The following KIF13A variants were observed in gnomAD, a reference collection of about 807,000 sequenced individuals.
KIF13A encodes the protein kinesin-like protein KIF13A.
A neutral mutation model predicts 212.2 loss-of-function variants in KIF13A; 79 were observed. The observed-to-expected ratio is 0.37, with a 90% CI of 0.31 to 0.45. KIF13A has a LOEUF of 0.45. Ranked by LOEUF, KIF13A falls within the 20% of genes least tolerant of loss-of-function variation. The probability of loss-of-function intolerance (pLI) is 1.00; values close to 1 mark genes in which losing one functional copy is unlikely to be tolerated. For missense variants in KIF13A, 1,901 were observed against 2,209.0 expected (o/e 0.86, Z 2.79); for synonymous variants, 789 against 808.6 (o/e 0.98, Z 0.41).
intron 2 of KIF13A, among the ~76,000 whole-genome samples, chr6:17,976,148 C>T (rs368385530): frequency 1.3e-5 from 2 of 152,250 alleles, no homozygotes; most frequent in Non-Finnish European, 2.9e-5. Context: ...GATCCCGCAC[C>T]GGGGCTGCAG....
rs541374422 is a variant in KIF13A at position 17,815,971 on chromosome 6, G to A, written c.2000+1049C>T. On this transcript the variant is annotated intron_variant, in intron 17 of 38. Transcript: ENST00000259711. ...CACCCAGGCTGGAGTGCAATGGCGC[G>A]ATCTTGGCTTACTGTAACCATTGCC... Among the ~76,000 whole-genome samples the A allele has an allele frequency of 4.8e-3, 718 of 150,164 alleles. 7 individuals are homozygous for A. Among genetic ancestry groups the A allele is most frequent in the African/African-American group, 0.017 (692 of 40,814 alleles).
At chr6:17,775,109 TA>T (rs775318520) in intron 34 of KIF13A, 47 bp from the exon 35 acceptor site, 100 of 1,468,688 alleles carry the variant, frequency 6.8e-5, no homozygotes, top group Non-Finnish European at 9.1e-5. Context: ...ATATTTAATA[TA>T]AGGGGTTTTT....
downstream of KIF13A, among the ~76,000 whole-genome samples, chr6:17,761,961 G>C (rs1349852098): frequency 6.6e-6 from 1 of 152,094 alleles, no homozygotes; most frequent in Non-Finnish European, 1.5e-5. Context: ...TGGGGAGGAA[G>C]GAAGGGTTTG....
rs1224731467 is a variant in KIF13A, at chr6:17,776,672, A to G, written c.4170+605T>C. The stretch of plus-strand genomic sequence containing the variant: ...CAAATAAGCCTGTGTTTTTCCTTGG[A>G]AAGACCTTACTTCTACTCAGCTGCT... On this transcript the variant is annotated intron_variant, in intron 34 of 38. Coordinates refer to ENST00000259711, the MANE Select transcript of KIF13A (RefSeq NM_022113.6). This position sits in a 1 kb window ranked among gnomAD's most constrained non-coding sequence, Gnocchi z 4.6. 6.6e-6 allele frequency among the ~76,000 whole-genome samples: 1 copy of G among 152,208 alleles called. No homozygotes were observed. Among genetic ancestry groups the G allele is most frequent in the East Asian group, 1.9e-4 (1 of 5,198 alleles).
At position 17,899,554 on chromosome 6, in the gene KIF13A, C is replaced by T. The variant is rs183017546; in HGVS notation, c.147-1374G>A. On this transcript the variant is annotated intron_variant, in intron 2 of 38. Transcript: ENST00000259711. This position sits in a 1 kb window ranked among gnomAD's most constrained non-coding sequence, Gnocchi z 5.2. ...ATGTCCAATCACATGCATAATTCTA[C>T]GCTTTCGAGTGCAGGGAAGAAAAAT... 1.1e-3 allele frequency among the ~76,000 whole-genome samples: 165 copies of T among 152,274 alleles called. 2 individuals carry two copies. Among genetic ancestry groups the T allele is most frequent in the African/African-American group, 3.5e-3 (146 of 41,558 alleles).
Position 17,826,036 on chromosome 6 carries a change from A to G in KIF13A, c.1619+2T>C. On this transcript the variant is annotated splice_donor_variant, in intron 15 of 38. Transcript: ENST00000259711. LOFTEE classifies it high-confidence loss of function. This position sits in a 1 kb window ranked among gnomAD's most constrained non-coding sequence, Gnocchi z 4.7. Reference sequence around the variant, plus strand: ...ATATATTACAGAACACAAAGATGTTACCTAAAAAAGTGATTATTTCCCCAT... The same window carrying G: ...ATATATTACAGAACACAAAGATGTTGCCTAAAAAAGTGATTATTTCCCCAT... The G allele has an allele frequency of 1.2e-6, 2 of 1,613,572 alleles. No homozygotes were observed. The highest frequency in any genetic ancestry group is 1.7e-6 in the Non-Finnish European group (2 of 1,179,494).
At chr6:17,953,292 C>A (rs1003632514) in intron 2 of KIF13A, among the ~76,000 whole-genome samples, 3 of 152,092 alleles carry the variant, frequency 2.0e-5, no homozygotes, top group African/African-American at 7.2e-5. Context: ...TACACGGGTA[C>A]CTGAACACAC....
intron 25 of KIF13A, among the ~76,000 whole-genome samples, chr6:17,790,954 A>C (rs1269244554): frequency 6.6e-6 from 1 of 152,254 alleles, no homozygotes; most frequent in Non-Finnish European, 1.5e-5. Context: ...ACATTTGGCA[A>C]AACAAAGTAA....
At chr6:17,878,746 G>A (rs1354752402) in intron 3 of KIF13A, among the ~76,000 whole-genome samples, 1 of 152,110 alleles carries the variant, frequency 6.6e-6, no homozygotes, top group Non-Finnish European at 1.5e-5. Flanking sequence ...CAATCAAAGA[G>A]TTAATCATTT....
chr6:17,955,696 A>C (rs1778300719), intron 2 of KIF13A, among the ~76,000 whole-genome samples: 2 of 152,220 alleles, frequency 1.3e-5, no homozygotes, highest in Admixed American at 6.5e-5. Flanking sequence ...GGTTTACTAA[A>C]GCAAAGAAAC....
At position 17,808,778 on chromosome 6, in the gene KIF13A, G is replaced by A; in HGVS notation, c.2153C>T (p.Ala718Val). 6.2e-7 allele frequency: 1 copy of A among 1,612,314 alleles called. No homozygotes were observed. The highest frequency in any genetic ancestry group is 8.5e-7 in the Non-Finnish European group (1 of 1,179,268). The change falls in exon 18 of 39, where the codon GCC (alanine) becomes GTC (valine). Residue 718 changes from alanine to valine, a missense_variant. Ala to Val is a moderately conservative substitution (Grantham distance 64). This residue lies in a region of KIF13A where 534 missense variants were observed against 536.9 expected (regional missense o/e 0.99). Transcript: ENST00000259711. The stretch of plus-strand genomic sequence containing the variant: ...GAAGGACATTCTTACCTTCCTATTG[G>A]CACTGAGGTTTGCAGCAGGGATCTG... ...TLQIPAANLS[A>V]NRKRGAIVSE...
chr6:17,764,488 T>C lies in KIF13A; in HGVS notation c.5040A>G (p.Pro1680=). The part of the protein sequence containing the change: ...KENSALAKGS[P]SSQSIPEKNS... ...TTTTCTCAGGGATGCTCTGGGATGA[T>C]GGGCTCCCTTTGGCTAAGGCACTGT... The change falls in exon 39 of 39, where the codon CCA becomes CCG. Residue 1680 remains proline, a synonymous_variant. Coordinates refer to ENST00000259711, the MANE Select transcript of KIF13A (RefSeq NM_022113.6). The surrounding 1 kb of genome is among the most constrained non-coding windows in gnomAD (Gnocchi z 5.1). The C allele has an allele frequency of 6.2e-7, 1 of 1,614,044 alleles. No homozygotes were observed. The highest frequency in any genetic ancestry group is 1.1e-5 in the South Asian group (1 of 91,086).
At position 17,951,034 on chromosome 6, in the gene KIF13A, C is replaced by A; in HGVS notation, c.146+36020G>T. On this transcript the variant is annotated intron_variant, in intron 2 of 38. Coordinates refer to ENST00000259711, the MANE Select transcript of KIF13A (RefSeq NM_022113.6). The surrounding 1 kb of genome is among the most constrained non-coding windows in gnomAD (Gnocchi z 4.9). The stretch of plus-strand genomic sequence containing the variant: ...AAATGACTAAATATATGGGCTATCA[C>A]AAACCCACTTTAGTAGTACACCTAA... The A allele has an allele frequency of 9.8e-7, 1 of 1,022,552 alleles. No individual in the cohort carries two copies. Among genetic ancestry groups the A allele is most frequent in the Non-Finnish European group, 1.2e-6 (1 of 853,358 alleles). 63.3% of individuals were successfully genotyped at this position (1,022,552 alleles called of 1,614,324 possible).
At chr6:17,959,488 G>A (rs1402200748) in intron 2 of KIF13A, among the ~76,000 whole-genome samples, 1 of 152,176 alleles carries the variant, frequency 6.6e-6, no homozygotes, top group Non-Finnish European at 1.5e-5. Flanking sequence ...TAAGAGTCAA[G>A]GGTTGGAAAG....
chr6:17,940,048 T>TAA (rs56365666), intron 2 of KIF13A, among the ~76,000 whole-genome samples: 4,491 of 121,810 alleles, frequency 0.037, 130 homozygotes, highest in African/African-American at 0.054. Flanking sequence ...TCTCATAAAT[T>TAA]AAAAAAAAAA....
downstream of KIF13A, chr6:17,759,192 G>A (rs1561938090): frequency 6.6e-6 from 1 of 151,926 alleles, no homozygotes; most frequent in Non-Finnish European, 1.5e-5. Context: ...ATAGAAATAT[G>A]GTAAGTTAGA....
At chr6:17,928,495 A>G (rs543859001) in intron 2 of KIF13A, among the ~76,000 whole-genome samples, 8 of 152,292 alleles carry the variant, frequency 5.3e-5, no homozygotes, top group African/African-American at 1.9e-4. Flanking sequence ...GAGGAGCCAC[A>G]ATGGGTTCTA....
Position 17,787,944 on chromosome 6 carries a change from A to C in KIF13A, c.3262-69T>G. ...CAACGATTTCTTTCTTTCTTTTTTT[A>C]AAAGATGTTTAAATCAACTAGGAAA... is the stretch of plus-strand genomic sequence containing the variant. On this transcript the variant is annotated intron_variant, in intron 26 of 38. Coordinates refer to ENST00000259711, the MANE Select transcript of KIF13A (RefSeq NM_022113.6). The surrounding 1 kb of genome is among the most constrained non-coding windows in gnomAD (Gnocchi z 4.6). 2 of 912,986 alleles carry C rather than the reference A, an allele frequency of 2.2e-6. 1 individual carries two copies. Among genetic ancestry groups the C allele is most frequent in the South Asian group, 2.8e-5 (2 of 70,220 alleles). 56.6% of individuals were successfully genotyped at this position (912,986 alleles called of 1,614,324 possible).
intron 16 of KIF13A, among the ~76,000 whole-genome samples, chr6:17,824,903 G>T (rs76212900): frequency 0.028 from 4,238 of 152,128 alleles, 206 homozygotes; most frequent in African/African-American, 0.097. Context: ...AAGATCAGAT[G>T]AATGAGAAGG....
Sources: gnomAD v4.1 joint callset for allele counts (sites outside exome capture counted in the v4.1 genomes callset) on GRCh38, gnomAD v4.1.1 for gene constraint, gnomAD v4.1.1 regional missense constraint, Gnocchi (gnomAD v3.1) non-coding constraint, MANE v1.5 for transcripts, NCBI Gene and HGNC (gene_info 2026-07-23, HGNC 2026-07-21) for gene names.